Variants in KAZN observed in about 807,000 individuals in gnomAD.
KAZN encodes the protein kazrin, periplakin interacting protein, also known as kazrin.
KAZN carries 40 observed loss-of-function variants against 87.4 expected under a neutral mutation model. The observed-to-expected ratio is 0.46, with a 90% CI of 0.36 to 0.60. The LOEUF (loss-of-function observed/expected upper bound fraction) is 0.60. KAZN is among the 20% of genes least tolerant of loss of function. The pLI, the probability that KAZN is intolerant of heterozygous loss-of-function variation, is 0.00. For synonymous variants in KAZN, 466 were observed against 458.3 expected (o/e 1.02, Z -0.22); for missense variants, 898 against 1,073.9 (o/e 0.84, Z 2.29).
chr1:14,462,476 T>C (rs1451697717), intron 2 of KAZN, among the ~76,000 whole-genome samples: 2 of 152,196 alleles, frequency 1.3e-5, no homozygotes, highest in Non-Finnish European at 2.9e-5. Flanking sequence ...CCTAGAATAT[T>C]GTTCTAGGAT....
intron 1 of KAZN, among the ~76,000 whole-genome samples, chr1:14,063,850 T>C (rs1055340198): frequency 6.6e-6 from 1 of 152,202 alleles, no homozygotes; most frequent in African/African-American, 2.4e-5. Context: ...GCATAGGCTC[T>C]CTTGCCTGCC....
At chr1:14,398,370 T>C (rs1251248908) in intron 2 of KAZN, among the ~76,000 whole-genome samples, 2 of 152,248 alleles carry the variant, frequency 1.3e-5, no homozygotes, top group Non-Finnish European at 2.9e-5. Context: ...GGCACCTCAA[T>C]TTCCTTATCT....
At chr1:14,365,079 T>C (rs576551363) in intron 2 of KAZN, among the ~76,000 whole-genome samples, 5 of 151,630 alleles carry the variant, frequency 3.3e-5, no homozygotes, top group Admixed American at 2.0e-4. Flanking sequence ...AGTCTCACTC[T>C]GTTGCCCAGA....
At chr1:14,193,661 G>GTTTTTTTTTTT (rs35505020) in intron 2 of KAZN, among the ~76,000 whole-genome samples, 1 of 140,612 alleles carries the variant, frequency 7.1e-6, no homozygotes, top group Non-Finnish European at 1.6e-5. Context: ...AGACTAAGGT[G>GTTTTTTTTTTT]TTTTTTTTTT....
chr1:14,151,178 T>TGTA (rs1230855567), intron 1 of KAZN, among the ~76,000 whole-genome samples: 1 of 146,524 alleles, frequency 6.8e-6, no homozygotes, highest in Non-Finnish European at 1.5e-5. Flanking sequence ...GGGTGTTTAC[T>TGTA]AATTCTGTTT....
At chr1:14,448,473 T>C (rs1667102062) in intron 2 of KAZN, among the ~76,000 whole-genome samples, 1 of 152,236 alleles carries the variant, frequency 6.6e-6, no homozygotes. Flanking sequence ...CTGCAGAGTA[T>C]ACATGGTCAT....
At chr1:14,364,697 C>T (rs1055592709) in intron 2 of KAZN, among the ~76,000 whole-genome samples, 3 of 152,180 alleles carry the variant, frequency 2.0e-5, no homozygotes, top group Non-Finnish European at 4.4e-5. Flanking sequence ...GAAATTCATT[C>T]TCTCTGAGTT....
chr1:14,293,200 A>G lies in KAZN; in HGVS notation c.249+112608A>G, dbSNP rs375972289. On this transcript the variant is annotated intron_variant, in intron 2 of 16. Coordinates refer to the KAZN transcript ENST00000636203. ...TGGAATAGCCAAAATTTTCTCCCAA[A>G]TTTCTCCAGCCCCGAAGGGAACCAA... is the stretch of plus-strand genomic sequence containing the variant. Among the ~76,000 whole-genome samples the G allele has an allele frequency of 2.6e-5, 4 of 152,256 alleles. No individual in the cohort carries two copies. The East Asian group carries it at 7.7e-4, about 29-fold the overall frequency.
chr1:14,723,320 A>G (rs572845979), intron 1 of KAZN, among the ~76,000 whole-genome samples: 1 of 152,102 alleles, frequency 6.6e-6, no homozygotes, highest in South Asian at 2.1e-4. Flanking sequence ...TCTGAGCCCT[A>G]CCTTAACTGA....
intron 2 of KAZN, among the ~76,000 whole-genome samples, chr1:14,382,443 T>G (rs1661445554): frequency 8.7e-6 from 1 of 114,650 alleles, no homozygotes; most frequent in South Asian, 3.7e-4. Context: ...GCATTAGGTA[T>G]ATCTCCCAAT....
intron 2 of KAZN, among the ~76,000 whole-genome samples, chr1:15,033,334 G>A (rs956907067): frequency 1.6e-4 from 24 of 152,110 alleles, no homozygotes; most frequent in African/African-American, 4.8e-4. Context: ...GTGGACTTTC[G>A]AGTTATTTTC....
At chr1:14,492,092 C>T (rs1317028451) in intron 2 of KAZN, among the ~76,000 whole-genome samples, 1 of 152,102 alleles carries the variant, frequency 6.6e-6, no homozygotes, top group Non-Finnish European at 1.5e-5. Context: ...CTGAACTGGC[C>T]ACTGCTGTGA....
intron 1 of KAZN, among the ~76,000 whole-genome samples, chr1:14,757,929 C>T (rs78982446): frequency 6.6e-6 from 1 of 152,130 alleles, no homozygotes; most frequent in African/African-American, 2.4e-5. Flanking sequence ...GGGAGGAATA[C>T]GTTTTGGTTA....
intron 2 of KAZN, among the ~76,000 whole-genome samples, chr1:14,246,273 GC>G (rs1251413711): frequency 6.6e-6 from 1 of 152,074 alleles, no homozygotes; most frequent in African/African-American, 2.4e-5. Flanking sequence ...GACCACCATG[GC>G]ACACATTTAC....
intron 2 of KAZN, among the ~76,000 whole-genome samples, chr1:14,462,504 A>G (rs1302221235): frequency 6.6e-6 from 1 of 152,194 alleles, no homozygotes; most frequent in Non-Finnish European, 1.5e-5. Context: ...CCTTGATCCT[A>G]AAGTCCTTTT....
At chr1:14,035,363 T>A (rs1343123225) in intron 1 of KAZN, among the ~76,000 whole-genome samples, 5 of 151,646 alleles carry the variant, frequency 3.3e-5, no homozygotes, top group Admixed American at 3.3e-4. Context: ...CTTCCCAGAG[T>A]CCCCAGATAA....
At chr1:14,312,440 G>A (rs981700901) in intron 2 of KAZN, among the ~76,000 whole-genome samples, 1 of 152,058 alleles carries the variant, frequency 6.6e-6, no homozygotes, top group African/African-American at 2.4e-5. Flanking sequence ...AATATTATTA[G>A]CTGTTTTTAA....
At chr1:14,713,980 A>C (rs1411719387) in intron 1 of KAZN, among the ~76,000 whole-genome samples, 1 of 152,046 alleles carries the variant, frequency 6.6e-6, no homozygotes, top group Non-Finnish European at 1.5e-5. Flanking sequence ...AGAAAGAAAA[A>C]TAATATTGCC....
At chr1:15,022,763 C>G (rs1261530927) in intron 2 of KAZN, among the ~76,000 whole-genome samples, 1 of 152,244 alleles carries the variant, frequency 6.6e-6, no homozygotes, top group Non-Finnish European at 1.5e-5. Context: ...GTCACCCCCT[C>G]TAGGTGGGGT....
Sources: allele counts gnomAD v4.1 joint callset (sites outside exome capture counted in the v4.1 genomes callset), GRCh38; gene constraint gnomAD v4.1.1; transcripts MANE v1.5; gene names NCBI Gene and HGNC (gene_info 2026-07-23, HGNC 2026-07-21).